The following PTPN4 variants were observed in gnomAD, a reference collection of about 807,000 sequenced individuals.
PTPN4 encodes protein tyrosine phosphatase non-receptor type 4.
In PTPN4, 49 loss-of-function variants were observed where a neutral mutation model predicts 135.5. The observed-to-expected ratio is 0.36, with a 90% CI of 0.29 to 0.46. The LOEUF (loss-of-function observed/expected upper bound fraction) is 0.46, where lower values mean the gene tolerates loss of function less well. Among genes scored for constraint, PTPN4 ranks in the 20% least tolerant of loss-of-function variants. The probability of loss-of-function intolerance (pLI) is 1.00; values close to 1 mark genes in which losing one functional copy is unlikely to be tolerated. For missense variants in PTPN4, 860 were observed against 1,101.0 expected, an observed-to-expected ratio of 0.78 and a Z score of 3.10; for synonymous variants, 333 against 369.9, an observed-to-expected ratio of 0.90 and a Z score of 1.14.
chr2:119,821,887 A>G (rs999455241), intron 2 of PTPN4, among the ~76,000 whole-genome samples: 3 of 152,172 alleles, frequency 2.0e-5, no homozygotes, highest in African/African-American at 7.2e-5. Context: ...CCTTCTATTA[A>G]TATTGCTGAT....
intron 2 of PTPN4, among the ~76,000 whole-genome samples, chr2:119,810,256 A>G (rs1487208865): frequency 6.6e-6 from 1 of 152,200 alleles, no homozygotes; most frequent in Non-Finnish European, 1.5e-5. Flanking sequence ...TGTGGTTTTC[A>G]TAAATGTGCT....
At chr2:119,856,217 A>G (rs755048558) in intron 2 of PTPN4, among the ~76,000 whole-genome samples, 4 of 152,170 alleles carry the variant, frequency 2.6e-5, no homozygotes, top group Non-Finnish European at 5.9e-5. Flanking sequence ...AGGGCTTCTC[A>G]TCCTTTTAGA....
chr2:119,843,563 C>T (rs1163209978), intron 2 of PTPN4, among the ~76,000 whole-genome samples: 7 of 111,366 alleles, frequency 6.3e-5, no homozygotes, highest in African/African-American at 2.7e-4. Context: ...CCAGTAGGGG[C>T]GGCCGGGCAG....
At chr2:119,854,481 A>G (rs1677642783) in intron 2 of PTPN4, among the ~76,000 whole-genome samples, 1 of 152,154 alleles carries the variant, frequency 6.6e-6, no homozygotes, top group South Asian at 2.1e-4. Context: ...AACTGCTGTT[A>G]GAGAGTTTTG....
chr2:119,816,804 T>A (rs914439280), intron 2 of PTPN4, among the ~76,000 whole-genome samples: 3 of 152,256 alleles, frequency 2.0e-5, no homozygotes, highest in Non-Finnish European at 4.4e-5. Flanking sequence ...GGCTTTTCAG[T>A]GCTGTTGTAG....
At chr2:119,858,929 C>T (rs190892720) in intron 2 of PTPN4, among the ~76,000 whole-genome samples, 8 of 152,014 alleles carry the variant, frequency 5.3e-5, no homozygotes, top group African/African-American at 1.7e-4. Flanking sequence ...CCACCGCACC[C>T]GGCCCTTTTC....
intron 2 of PTPN4, among the ~76,000 whole-genome samples, chr2:119,850,699 G>C (rs1274482978): frequency 6.6e-6 from 1 of 152,134 alleles, no homozygotes; most frequent in Non-Finnish European, 1.5e-5. Context: ...AATAAATGCT[G>C]TTTTCTTTGT....
At chr2:119,964,235 A>G (rs547911627) in intron 24 of PTPN4, among the ~76,000 whole-genome samples, 1 of 152,346 alleles carries the variant, frequency 6.6e-6, no homozygotes, top group South Asian at 2.1e-4. Context: ...TCTTTTTAGC[A>G]TAAGACTGAT....
rs576718680 is a variant in PTPN4 at position 119,860,839 on chromosome 2, G to A, written c.139-1697G>A. 7.6e-4 allele frequency among the ~76,000 whole-genome samples: 116 copies of A among 152,146 alleles called. No homozygotes were observed. The Middle Eastern group carries it at 0.017, about 22-fold the overall frequency. ...GCAGATCACCTGAGGTCAGGAGTTC[G>A]AGACTAGCCTGACCAATATGATGAA... is the stretch of plus-strand genomic sequence containing the variant. On this transcript the variant is annotated intron_variant, in intron 2 of 26. Coordinates refer to ENST00000263708, the MANE Select transcript of PTPN4 (RefSeq NM_002830.4).
intron 15 of PTPN4, among the ~76,000 whole-genome samples, chr2:119,937,855 C>T (rs952225377): frequency 1.3e-5 from 2 of 151,888 alleles, no homozygotes; most frequent in Non-Finnish European, 2.9e-5. Flanking sequence ...TCACTAGAGC[C>T]CAGGAGTTCG....
intron 13 of PTPN4, 62 bp downstream of exon 13, chr2:119,926,728 A>T: frequency 1.6e-6 from 2 of 1,273,884 alleles, no homozygotes; most frequent in Non-Finnish European, 2.2e-6. Context: ...TTTACTAAAA[A>T]GTTTTTCTAA....
At chr2:119,777,819 T>G (rs1690864342) in intron 1 of PTPN4, among the ~76,000 whole-genome samples, 1 of 151,274 alleles carries the variant, frequency 6.6e-6, no homozygotes. Context: ...CATGCCCAGC[T>G]AATTTTTTTT....
chr2:119,939,048 T>C (rs1679026152), intron 15 of PTPN4, among the ~76,000 whole-genome samples: 1 of 152,196 alleles, frequency 6.6e-6, no homozygotes. Context: ...TCCTCACTGT[T>C]AAAAAACAGG....
At chr2:119,812,678 C>G (rs1676909495) in intron 2 of PTPN4, among the ~76,000 whole-genome samples, 1 of 152,110 alleles carries the variant, frequency 6.6e-6, no homozygotes, top group Non-Finnish European at 1.5e-5. Flanking sequence ...CTGTGGCCAA[C>G]CTATGGAGTG....
intron 2 of PTPN4, among the ~76,000 whole-genome samples, chr2:119,820,258 C>G (rs1320217949): frequency 6.6e-6 from 1 of 152,204 alleles, no homozygotes; most frequent in African/African-American, 2.4e-5. Flanking sequence ...TTGTATGTCT[C>G]TCCTGAAGCT....
intron 9 of PTPN4, among the ~76,000 whole-genome samples, chr2:119,894,789 C>T (rs868165458): frequency 6.6e-6 from 1 of 152,048 alleles, no homozygotes; most frequent in Non-Finnish European, 1.5e-5. Flanking sequence ...AAACATTTCA[C>T]AGGAGAAATA....
intron 2 of PTPN4, among the ~76,000 whole-genome samples, chr2:119,821,238 G>A (rs535066452): frequency 6.6e-6 from 1 of 151,680 alleles, no homozygotes; most frequent in Non-Finnish European, 1.5e-5. Flanking sequence ...GACTACAGGC[G>A]CCTGCCACCA....
intron 2 of PTPN4, among the ~76,000 whole-genome samples, chr2:119,847,572 C>T (rs1032985426): frequency 1.1e-4 from 16 of 151,966 alleles, no homozygotes; most frequent in Non-Finnish European, 1.5e-4. Flanking sequence ...GGTGATCCGC[C>T]GCCTCGGCCT....
At chr2:119,909,095 A>G (rs1037784841) in intron 10 of PTPN4, among the ~76,000 whole-genome samples, 4 of 152,184 alleles carry the variant, frequency 2.6e-5, no homozygotes, top group African/African-American at 7.2e-5. Context: ...TAAAAGTTCA[A>G]AGTGAAGCTG....
Sources: gnomAD v4.1 joint callset for allele counts (sites outside exome capture counted in the v4.1 genomes callset) on GRCh38, gnomAD v4.1.1 for gene constraint, MANE v1.5 for transcripts, NCBI Gene and HGNC (gene_info 2026-07-23, HGNC 2026-07-21) for gene names.